Variants in MBNL2 observed in about 807,000 individuals in gnomAD.
MBNL2 encodes muscleblind like splicing regulator 2, also known as muscleblind-like protein 2.
Under a neutral mutation model 41.9 loss-of-function variants are expected in MBNL2, and 17 were observed. That is an observed-to-expected ratio of 0.41 (90% CI 0.28 to 0.61). MBNL2 has a LOEUF of 0.61. Among genes scored for constraint, MBNL2 ranks in the 20% least tolerant of loss-of-function variants. MBNL2 has a pLI of 0.35. For missense variants in MBNL2, 336 were observed against 505.6 expected (o/e 0.66, Z 3.22); for synonymous variants, 195 against 182.9 (o/e 1.07, Z -0.53).
chr13:97,218,441 A>AAACAAAC (rs1555302262), upstream of MBNL2, among the ~76,000 whole-genome samples: 30 of 24,182 alleles, frequency 1.2e-3, no homozygotes, highest in African/African-American at 2.7e-3. Context: ...AAAACAAAAC[A>AAACAAAC]AAAAAAAAAA....
chr13:97,351,810 A>G (rs2062494057), intron 5 of MBNL2, among the ~76,000 whole-genome samples: 6 of 152,192 alleles, frequency 3.9e-5, no homozygotes, highest in Middle Eastern at 3.4e-3. Context: ...GATCACTGGA[A>G]GCCAGGAGTT....
intron 1 of MBNL2, among the ~76,000 whole-genome samples, chr13:97,253,752 A>G (rs1594099074): frequency 1.5e-5 from 2 of 131,984 alleles, no homozygotes; most frequent in Admixed American, 1.4e-4. Flanking sequence ...CATTGTATTT[A>G]TTAATACGTA....
chr13:97,326,993 A>T (rs1024045409), intron 2 of MBNL2, among the ~76,000 whole-genome samples: 2 of 152,216 alleles, frequency 1.3e-5, no homozygotes, highest in African/African-American at 4.8e-5. Context: ...CACCCACTCT[A>T]ACCACAGCCT....
intron 1 of MBNL2, among the ~76,000 whole-genome samples, chr13:97,271,111 T>TG (rs2050856069): frequency 7.9e-6 from 1 of 126,934 alleles, no homozygotes; most frequent in Admixed American, 7.5e-5. Flanking sequence ...TGCTCTTTTT[T>TG]GTTTTTTTTT....
At chr13:97,253,519 G>A (rs1220849212) in intron 1 of MBNL2, among the ~76,000 whole-genome samples, 1 of 152,176 alleles carries the variant, frequency 6.6e-6, no homozygotes, top group African/African-American at 2.4e-5. Context: ...TGTGGCAGGT[G>A]AGTAAAAACA....
At chr13:97,326,218 C>T (rs766573494) in intron 2 of MBNL2, among the ~76,000 whole-genome samples, 2 of 152,226 alleles carry the variant, frequency 1.3e-5, no homozygotes, top group African/African-American at 2.4e-5. Context: ...TCTTTATCCT[C>T]TCCTAAACCC....
rs1194962531 is a variant in MBNL2 at position 97,393,425 on chromosome 13, TA to T, written c.*1980del. ...TCTTTTGTTTCATGATTTTGATTTT[TA>T]AAATTATTAGCACACAACTATTTTC... On this transcript the variant is annotated 3_prime_UTR_variant, in exon 9 of 9. Transcript: ENST00000679496. 5 of 152,576 alleles carry T rather than the reference TA, an allele frequency of 3.3e-5. No individual in the cohort carries two copies. In the East Asian group the frequency reaches 7.7e-4, roughly 24 times the overall value. 9.5% of individuals were successfully genotyped at this position (152,576 alleles called of 1,614,324 possible). A position where few individuals can be genotyped will look rare whatever the true frequency, so the allele number is the denominator to read the frequency against.
chr13:97,194,820 A>G, the MBNL2 span, among the ~76,000 whole-genome samples: 7 of 152,212 alleles, frequency 4.6e-5, no homozygotes. Context: ...GACCATTTAC[A>G]AATTCCATGG....
chr13:97,205,596 G>C, the MBNL2 span, among the ~76,000 whole-genome samples: 4 of 152,194 alleles, frequency 2.6e-5, no homozygotes, highest in East Asian at 7.7e-4. Context: ...ATTTCTGTTG[G>C]ATTACACCTT....
the MBNL2 span, among the ~76,000 whole-genome samples, chr13:97,211,688 T>C: frequency 1.3e-5 from 2 of 152,146 alleles, no homozygotes; most frequent in African/African-American, 2.4e-5. Flanking sequence ...GAAGGCAAAA[T>C]AATTGCCCAT....
rs186268224 is a variant in MBNL2, at chr13:97,333,931, A to G, written c.175-345A>G. ...GTTTAGAATCTGAAAGGAAGAAAGG[A>G]AAGAAAGAAAGAAAAGAAAGAAAGA... On this transcript the variant is annotated intron_variant, in intron 2 of 8. Transcript: ENST00000679496. Among the ~76,000 whole-genome samples, 267 of 146,002 alleles carry G rather than the reference A, an allele frequency of 1.8e-3. 1 individual carries two copies. The highest frequency in any genetic ancestry group is 4.4e-3 in the African/African-American group (167 of 38,166).
the MBNL2 span, among the ~76,000 whole-genome samples, chr13:97,187,900 T>A: frequency 7.9e-6 from 1 of 126,060 alleles, no homozygotes; most frequent in African/African-American, 2.6e-5. Context: ...CAGTGAGACT[T>A]CGTCTCAAAA....
chr13:97,315,328 C>G (rs1408576298), intron 2 of MBNL2, among the ~76,000 whole-genome samples: 3 of 152,190 alleles, frequency 2.0e-5, no homozygotes, highest in African/African-American at 7.2e-5. Context: ...TCTGTGTCTT[C>G]CAAAAATTCA....
intron 1 of MBNL2, among the ~76,000 whole-genome samples, chr13:97,236,287 C>T (rs1393050281): frequency 2.0e-5 from 3 of 152,128 alleles, no homozygotes; most frequent in Non-Finnish European, 4.4e-5. Flanking sequence ...AGGTTTCTCT[C>T]AGAAGAGCAC....
At chr13:97,231,020 T>TG (rs2042307133) in intron 1 of MBNL2, among the ~76,000 whole-genome samples, 1 of 152,240 alleles carries the variant, frequency 6.6e-6, no homozygotes, top group African/African-American at 2.4e-5. Flanking sequence ...ATTTTGGGGA[T>TG]GTTACTGGTT....
At chr13:97,330,516 C>T (rs1339284088) in intron 2 of MBNL2, among the ~76,000 whole-genome samples, 2 of 152,178 alleles carry the variant, frequency 1.3e-5, no homozygotes, top group African/African-American at 4.8e-5. Flanking sequence ...AAGCAAAAAA[C>T]AAATCCTAGC....
intron 7 of MBNL2, among the ~76,000 whole-genome samples, chr13:97,362,651 G>A (rs2063507350): frequency 6.6e-6 from 1 of 152,210 alleles, no homozygotes; most frequent in South Asian, 2.1e-4. Context: ...TAAAAGCAAT[G>A]AGAAACCACT....
At chr13:97,217,958 T>C (rs981012882), upstream of MBNL2, among the ~76,000 whole-genome samples, 1 of 152,086 alleles carries the variant, frequency 6.6e-6, no homozygotes, top group Admixed American at 6.6e-5. Flanking sequence ...TTGTTGGTGA[T>C]GATAAAGAGT....
chr13:97,289,316 T>A (rs1194310800), intron 2 of MBNL2, among the ~76,000 whole-genome samples: 1 of 152,248 alleles, frequency 6.6e-6, no homozygotes, highest in Admixed American at 6.5e-5. Flanking sequence ...CTCCCAGCTC[T>A]TAGTAAAATC....
Sources: gnomAD v4.1 joint callset for allele counts (sites outside exome capture counted in the v4.1 genomes callset) on GRCh38, gnomAD v4.1.1 for gene constraint, MANE v1.5 for transcripts, NCBI Gene and HGNC (gene_info 2026-07-23, HGNC 2026-07-21) for gene names.